The following KIAA1549 variants were observed in gnomAD, a reference collection of about 807,000 sequenced individuals.
The protein encoded by KIAA1549 is UPF0606 protein KIAA1549.
A neutral mutation model predicts 156.4 loss-of-function variants in KIAA1549; 70 were observed. The observed-to-expected ratio is 0.45, with a 90% confidence interval of 0.37 to 0.55. The LOEUF (loss-of-function observed/expected upper bound fraction) is 0.55, where lower values mean the gene tolerates loss of function less well. Among genes scored for constraint, KIAA1549 ranks in the 20% least tolerant of loss-of-function variants. KIAA1549 has a pLI of 0.00. For missense variants in KIAA1549, 2,428 were observed against 2,540.9 expected (o/e 0.96, Z 0.96); for synonymous variants, 1,103 against 1,066.4 (o/e 1.03, Z -0.67).
chr7:138,908,945 C>G lies in KIAA1549; in HGVS notation c.3276+46G>C, dbSNP rs369907748. The G allele has an allele frequency of 2.7e-5, 43 of 1,607,124 alleles. No individual in the cohort carries two copies. The African/African-American group carries it at 5.2e-4, about 20-fold the overall frequency. ...CTTAAACAATGTGGAACAATTTCCC[C>G]TTCAAGGGCTAAAGCCTTCTGCTCT... On this transcript the variant is annotated intron_variant, in intron 5 of 19. Coordinates refer to ENST00000422774, the MANE Select transcript of KIAA1549 (RefSeq NM_001164665.2).
chr7:138,834,483 T>A lies in KIAA1549; in HGVS notation c.*3423A>T, dbSNP rs917614680. On this transcript the variant is annotated 3_prime_UTR_variant, in exon 20 of 20. Transcript: ENST00000422774. ...GAATTTTATTGACACTTAAACCATG[T>A]TATTTATCGGTATCTTCCATCTTCT... The A allele has an allele frequency of 4.6e-6, 1 of 218,898 alleles. No individual in the cohort carries two copies. Among genetic ancestry groups the A allele is most frequent in the Admixed American group, 5.8e-5 (1 of 17,258 alleles). 13.6% of individuals were successfully genotyped at this position (218,898 alleles called of 1,614,324 possible). A position where few individuals can be genotyped will look rare whatever the true frequency, so the allele number is the denominator to read the frequency against.
In KIAA1549 at chr7:138,834,128, T is replaced by A. The variant is rs1809631764; in HGVS notation, c.*3778A>T. The A allele has an allele frequency of 4.6e-6, 1 of 215,936 alleles. No homozygotes were observed. Among genetic ancestry groups the A allele is most frequent in the Admixed American group, 5.8e-5 (1 of 17,148 alleles). 13.4% of individuals were successfully genotyped at this position (215,936 alleles called of 1,614,324 possible). ...ATTGCATTTCCAAACATGCAACTTCTTCTGGGTGCCTAATTCATTTATGTC... is the reference window on the plus strand; with the variant it reads ...ATTGCATTTCCAAACATGCAACTTCATCTGGGTGCCTAATTCATTTATGTC... On this transcript the variant is annotated 3_prime_UTR_variant, in exon 20 of 20. Transcript: ENST00000422774.
intron 12 of KIAA1549, among the ~76,000 whole-genome samples, chr7:138,875,808 T>A (rs1314753102): frequency 6.6e-6 from 1 of 151,928 alleles, no homozygotes; most frequent in Non-Finnish European, 1.5e-5. Flanking sequence ...ACTTTTTTTG[T>A]CCCCCGAGAC....
chr7:138,946,399 G>A (rs1392304105), intron 1 of KIAA1549, among the ~76,000 whole-genome samples: 3 of 152,138 alleles, frequency 2.0e-5, no homozygotes, highest in South Asian at 2.1e-4. Context: ...CTCTACTGTC[G>A]TGGTACAATT....
At chr7:138,849,932 T>C (rs1810190981) in intron 17 of KIAA1549, among the ~76,000 whole-genome samples, 1 of 152,202 alleles carries the variant, frequency 6.6e-6, no homozygotes, top group African/African-American at 2.4e-5. Flanking sequence ...CCATTGTGTA[T>C]GCGTACCACT....
At chr7:138,974,038 G>C (rs145683701) in intron 1 of KIAA1549, among the ~76,000 whole-genome samples, 1 of 152,220 alleles carries the variant, frequency 6.6e-6, no homozygotes, top group Non-Finnish European at 1.5e-5. Context: ...AGTGGAGCAC[G>C]AGCACTGACA....
At chr7:138,841,304 T>A (rs996528426) in intron 18 of KIAA1549, among the ~76,000 whole-genome samples, 2 of 152,188 alleles carry the variant, frequency 1.3e-5, no homozygotes, top group African/African-American at 4.8e-5. Context: ...TTGAAGTATA[T>A]TTTCATTATA....
At chr7:138,933,008 G>A (rs1015798866) in intron 1 of KIAA1549, among the ~76,000 whole-genome samples, 8 of 152,198 alleles carry the variant, frequency 5.3e-5, no homozygotes, top group African/African-American at 1.4e-4. Flanking sequence ...AAAATCGGTC[G>A]GTACTGGGGA....
chr7:138,965,277 A>G (rs139748561), intron 1 of KIAA1549, among the ~76,000 whole-genome samples: 2 of 152,300 alleles, frequency 1.3e-5, no homozygotes, highest in Admixed American at 6.5e-5. Context: ...CAATGAATGT[A>G]TATCATTTTT....
At chr7:138,921,373 T>C (rs938990920) in intron 1 of KIAA1549, among the ~76,000 whole-genome samples, 2 of 152,230 alleles carry the variant, frequency 1.3e-5, no homozygotes, top group African/African-American at 4.8e-5. Flanking sequence ...TCTCAGACTT[T>C]GCTTTCTGGC....
Position 138,907,082 on chromosome 7 carries a change from A to C in KIAA1549, c.3297T>G (p.Ser1099Arg), listed in dbSNP as rs755817346. ...LTVQILNITI[S>R]SSRVTPRRGP... The stretch of plus-strand genomic sequence containing the variant: ...CCCGCCGAGGAGTCACCCTTGAGGA[A>C]CTGATGGTGATATTCAAGATCTGAA... Residue 1099 changes from serine (S) to arginine (R), a missense_variant, in exon 6 of 20, where the codon AGT (serine) becomes AGG (arginine). Around this residue, in one of 5 missense-constraint regions of KIAA1549, gnomAD observed 762 missense variants for 901.6 expected, o/e 0.85. Transcript: ENST00000422774. 7 of 1,596,580 alleles carry C rather than the reference A, an allele frequency of 4.4e-6. No individual in the cohort carries two copies.
intron 1 of KIAA1549, among the ~76,000 whole-genome samples, chr7:138,931,494 G>A (rs1453908733): frequency 6.6e-6 from 1 of 152,184 alleles, no homozygotes; most frequent in Non-Finnish European, 1.5e-5. Flanking sequence ...GCTCACGCCT[G>A]TAATCCCAGC....
At position 138,906,903 on chromosome 7, in the gene KIAA1549, A is replaced by G; in HGVS notation, c.3460+16T>C. 1 of 1,475,062 alleles carries G rather than the reference A, an allele frequency of 6.8e-7. No individual in the cohort carries two copies. Among genetic ancestry groups the G allele is most frequent in the Admixed American group, 2.3e-5 (1 of 42,752 alleles). 91.4% of individuals were successfully genotyped at this position (1,475,062 alleles called of 1,614,324 possible). Reference sequence around the variant, plus strand: ...CGCCATCACCTCCCCAGCATGTCCAAGAGGGCTGTACTCACGCTCTGCGAT... The same window carrying G: ...CGCCATCACCTCCCCAGCATGTCCAGGAGGGCTGTACTCACGCTCTGCGAT... On this transcript the variant is annotated intron_variant, in intron 6 of 19. Transcript: ENST00000422774.
chr7:138,924,228 A>C (rs1450420853), intron 1 of KIAA1549, among the ~76,000 whole-genome samples: 11 of 147,640 alleles, frequency 7.5e-5, no homozygotes, highest in Non-Finnish European at 1.5e-4. Context: ...TTCTACAATG[A>C]AGGCTTACAA....
chr7:138,867,081 G>A (rs1191872830), intron 15 of KIAA1549, among the ~76,000 whole-genome samples: 1 of 152,130 alleles, frequency 6.6e-6, no homozygotes, highest in East Asian at 1.9e-4. Flanking sequence ...GGCATTACAG[G>A]TCTGAGCCAC....
intron 1 of KIAA1549, among the ~76,000 whole-genome samples, chr7:138,930,195 TTA>T (rs1812832417): frequency 6.6e-6 from 1 of 152,162 alleles, no homozygotes; most frequent in Admixed American, 6.5e-5. Context: ...TGGCCTTAAG[TTA>T]GTCAGTAAAT....
intron 19 of KIAA1549, among the ~76,000 whole-genome samples, chr7:138,839,046 T>A (rs1210933373): frequency 1.3e-5 from 2 of 152,070 alleles, no homozygotes; most frequent in Non-Finnish European, 2.9e-5. Flanking sequence ...AAACACCTCA[T>A]GAAGCTAAGC....
intron 1 of KIAA1549, among the ~76,000 whole-genome samples, chr7:138,977,655 AACACACACAC>A (rs10625706): frequency 5.2e-4 from 76 of 146,918 alleles, no homozygotes; most frequent in South Asian, 1.3e-3. Flanking sequence ...TACTCAAGAA[AACACACACAC>A]ACACACACAC....
In KIAA1549 at chr7:138,963,070, C is replaced by T. The variant is rs376757877; in HGVS notation, c.187+18013G>A. Among the ~76,000 whole-genome samples, 46 of 152,322 alleles carry T rather than the reference C, an allele frequency of 3.0e-4. No individual in the cohort carries two copies. In the East Asian group the frequency reaches 4.6e-3, roughly 15 times the overall value. On this transcript the variant is annotated intron_variant, in intron 1 of 19. Coordinates refer to ENST00000422774, the MANE Select transcript of KIAA1549 (RefSeq NM_001164665.2). ...TGACTGCCGTATTTCTCTTAGTATCCCAACATCCAGCACGGTGCTCAGCAC... is the reference window on the plus strand; with the variant it reads ...TGACTGCCGTATTTCTCTTAGTATCTCAACATCCAGCACGGTGCTCAGCAC...
Sources: gnomAD v4.1 joint callset for allele counts (sites outside exome capture counted in the v4.1 genomes callset) on GRCh38, gnomAD v4.1.1 for gene constraint, gnomAD v4.1.1 regional missense constraint, MANE v1.5 for transcripts, NCBI Gene and HGNC (gene_info 2026-07-23, HGNC 2026-07-21) for gene names.